The following TRNAU1AP variants were observed in gnomAD, a reference collection of about 807,000 sequenced individuals.
TRNAU1AP encodes tRNA selenocysteine 1 associated protein 1.
TRNAU1AP carries 33 observed loss-of-function variants against 43.3 expected under a neutral mutation model. The observed-to-expected ratio is 0.76, with a 90% CI of 0.58 to 1.02. TRNAU1AP has a LOEUF of 1.02. Ranked by LOEUF, TRNAU1AP falls within the 50% of genes least tolerant of loss-of-function variation. The pLI is 0.00. For synonymous variants in TRNAU1AP, 143 were observed against 129.1 expected (o/e 1.11, Z -0.73); for missense variants, 290 against 362.7 (o/e 0.80, Z 1.63).
chr1:28,567,447 A>G (rs748119749), intron 6 of TRNAU1AP, 34 bp downstream of exon 6: 22 of 1,567,420 alleles, frequency 1.4e-5, no homozygotes, highest in Non-Finnish European at 1.8e-5. Context: ...GAGACTCTAG[A>G]CTCCCCTCCA....
Position 28,553,833 on chromosome 1 carries a change from T to A in TRNAU1AP, c.125+96T>A, listed in dbSNP as rs1359231956. 3.3e-5 allele frequency: 34 copies of A among 1,046,036 alleles called. No individual in the cohort carries two copies. The South Asian group carries it at 4.4e-4, about 14-fold the overall frequency. 64.8% of individuals were successfully genotyped at this position (1,046,036 alleles called of 1,614,324 possible). ...AGTCATGGCTTCTCACTACCCCTAG[T>A]AATAGTCACTGTAAAATTATAACAG... On this transcript the variant is annotated intron_variant, in intron 2 of 8. Transcript: ENST00000373830.
intron 2 of TRNAU1AP, among the ~76,000 whole-genome samples, chr1:28,556,189 C>T (rs958078529): frequency 4.6e-4 from 69 of 151,564 alleles, no homozygotes; most frequent in Admixed American, 3.3e-3. Context: ...AGGCTGGGCA[C>T]GGTAGCTCAC....
In TRNAU1AP at chr1:28,553,630, T is replaced by G. The variant is rs771062908; in HGVS notation, c.28-10T>G. ...CCGGCCTGAGCCGCTGTGCTCTTGT[T>G]TTTACGCAGCTGGAACCCTACATGG... is the stretch of plus-strand genomic sequence containing the variant. On this transcript the variant is annotated splice_polypyrimidine_tract_variant and intron_variant, in intron 1 of 8. Transcript: ENST00000373830. 3.1e-6 allele frequency: 5 copies of G among 1,613,614 alleles called. No individual in the cohort carries two copies. The highest frequency in any genetic ancestry group is 4.2e-6 in the Non-Finnish European group (5 of 1,179,930).
intron 4 of TRNAU1AP, among the ~76,000 whole-genome samples, chr1:28,563,840 A>C (rs1665475265): frequency 6.6e-6 from 1 of 151,976 alleles, no homozygotes; most frequent in African/African-American, 2.4e-5. Flanking sequence ...TGACAGAGTG[A>C]TACTCCATTT....
chr1:28,570,786 T>G (rs1665647178), intron 6 of TRNAU1AP, among the ~76,000 whole-genome samples: 1 of 152,038 alleles, frequency 6.6e-6, no homozygotes, highest in Non-Finnish European at 1.5e-5. Context: ...GTTTTGAGGA[T>G]TAAAAGAGTT....
intron 4 of TRNAU1AP, among the ~76,000 whole-genome samples, chr1:28,562,415 T>C (rs982448746): frequency 4.6e-5 from 7 of 152,112 alleles, no homozygotes; most frequent in African/African-American, 1.7e-4. Context: ...ATATTGGCAA[T>C]ATGTTGAAAA....
intron 6 of TRNAU1AP, among the ~76,000 whole-genome samples, chr1:28,569,187 C>T (rs1411133903): frequency 6.6e-6 from 1 of 152,098 alleles, no homozygotes; most frequent in Non-Finnish European, 1.5e-5. Context: ...GAAGATCAGG[C>T]TTAGTGACTT....
rs1557437431 is a variant in TRNAU1AP at position 28,571,241 on chromosome 1, A to C, written c.596A>C (p.Gln199Pro). 6.2e-7 allele frequency: 1 copy of C among 1,614,130 alleles called. No individual in the cohort carries two copies. Among genetic ancestry groups the C allele is most frequent in the Non-Finnish European group, 8.5e-7 (1 of 1,179,950 alleles). Residue 199 changes from glutamine (Q) to proline (P), a missense_variant, in exon 7 of 9, where the codon CAG becomes CCG. Around this residue, in one of 3 missense-constraint regions of TRNAU1AP, gnomAD observed 174 missense variants for 262.1 expected, o/e 0.66. Coordinates refer to ENST00000373830, the MANE Select transcript of TRNAU1AP (RefSeq NM_017846.5). ...TATAGCTACAACCAGTATTATCAGC[A>C]GTACCAGAACTACTATGCTCAGTGG... ...YSYSYNQYYQQYQNYYAQWGY... is the reference protein window; with the variant it reads ...YSYSYNQYYQPYQNYYAQWGY...
intron 2 of TRNAU1AP, among the ~76,000 whole-genome samples, chr1:28,557,398 C>T (rs1286448788): frequency 2.0e-5 from 3 of 148,430 alleles, no homozygotes; most frequent in South Asian, 2.1e-4. Context: ...CCAGCCTGGG[C>T]GACAAAGTGA....
chr1:28,560,140 G>T (rs1234115583), intron 2 of TRNAU1AP, among the ~76,000 whole-genome samples: 2 of 152,082 alleles, frequency 1.3e-5, no homozygotes, highest in Non-Finnish European at 2.9e-5. Context: ...ACGAATCTTG[G>T]ACTGGCCCAG....
chr1:28,568,663 T>C (rs1236319675), intron 6 of TRNAU1AP, among the ~76,000 whole-genome samples: 3 of 152,170 alleles, frequency 2.0e-5, no homozygotes, highest in African/African-American at 7.2e-5. Context: ...GAGACATTTT[T>C]GGTTATCACA....
intron 6 of TRNAU1AP, among the ~76,000 whole-genome samples, chr1:28,567,974 G>A (rs770434227): frequency 6.6e-6 from 1 of 152,006 alleles, no homozygotes; most frequent in Non-Finnish European, 1.5e-5. Flanking sequence ...GACCAGCCTG[G>A]CCAACATGGC....
In TRNAU1AP at chr1:28,577,487, G is replaced by C. The variant is rs200019945; in HGVS notation, c.728-13G>C. The C allele has an allele frequency of 1.9e-6, 3 of 1,611,072 alleles. No homozygotes were observed. Among genetic ancestry groups the C allele is most frequent in the Admixed American group, 3.3e-5 (2 of 59,808 alleles). On this transcript the variant is annotated splice_polypyrimidine_tract_variant and intron_variant, in intron 8 of 8. Coordinates refer to ENST00000373830, the MANE Select transcript of TRNAU1AP (RefSeq NM_017846.5). ...CCTAGACTTCCCTGACCCCATCCTTGCTTGCTTTCCAGACCCCATGCCACA... is the reference window on the plus strand; with the variant it reads ...CCTAGACTTCCCTGACCCCATCCTTCCTTGCTTTCCAGACCCCATGCCACA...
At chr1:28,574,446 C>G (rs1391462972) in intron 8 of TRNAU1AP, 2 of 152,090 alleles carry the variant, frequency 1.3e-5, no homozygotes, top group African/African-American at 4.8e-5. Flanking sequence ...AACTGAAAGC[C>G]AAGCATGGTG....
At chr1:28,553,349 G>T (rs918436131) in intron 1 of TRNAU1AP, 79 of 639,970 alleles carry the variant, frequency 1.2e-4, no homozygotes, top group Non-Finnish European at 2.1e-4. Context: ...CTGGGTTCGT[G>T]GGAGGGAAAG....
chr1:28,571,376 TG>T (rs777230430), intron 7 of TRNAU1AP, 38 bp downstream of exon 7: 1 of 1,609,488 alleles, frequency 6.2e-7, no homozygotes, highest in Non-Finnish European at 8.5e-7. Flanking sequence ...CCTTGGGTTG[TG>T]TTTCTCCTCT....
intron 8 of TRNAU1AP, among the ~76,000 whole-genome samples, chr1:28,573,494 C>T (rs959508017): frequency 1.3e-5 from 2 of 151,898 alleles, no homozygotes; most frequent in African/African-American, 2.4e-5. Context: ...AAAAAATTGC[C>T]AGGCGCGGTG....
chr1:28,566,416 G>A (rs974857337), intron 5 of TRNAU1AP, among the ~76,000 whole-genome samples: 4 of 151,342 alleles, frequency 2.6e-5, no homozygotes, highest in East Asian at 1.9e-4. Flanking sequence ...TCAGGAGTTC[G>A]AGACCAGTCT....
At chr1:28,575,426 C>T (rs1232893500) in intron 8 of TRNAU1AP, among the ~76,000 whole-genome samples, 1 of 151,294 alleles carries the variant, frequency 6.6e-6, no homozygotes, top group Non-Finnish European at 1.5e-5. Flanking sequence ...GCTGGGATTA[C>T]AGGTGTGAAC....
Sources: allele counts gnomAD v4.1 joint callset (sites outside exome capture counted in the v4.1 genomes callset), GRCh38; gene constraint gnomAD v4.1.1; regional missense constraint gnomAD v4.1.1; transcripts MANE v1.5; gene names NCBI Gene and HGNC (gene_info 2026-07-23, HGNC 2026-07-21).